The following UGGT2 variants were observed in gnomAD, a reference collection of about 807,000 sequenced individuals.
UGGT2 encodes the protein UDP-glucose:glycoprotein glucosyltransferase 2.
A neutral mutation model predicts 192.1 loss-of-function variants in UGGT2; 180 were observed. That is an observed-to-expected ratio of 0.94 (90% confidence interval 0.83 to 1.06). The LOEUF is 1.06. Among genes scored for constraint, UGGT2 ranks in the 50% least tolerant of loss-of-function variants. The pLI, the probability that UGGT2 is intolerant of heterozygous loss-of-function variation, is 0.00. For synonymous variants in UGGT2, 580 were observed against 591.0 expected, an observed-to-expected ratio of 0.98 and a Z score of 0.27; for missense variants, 1,849 against 1,795.7, an observed-to-expected ratio of 1.03 and a Z score of -0.54.
rs910023686 is a variant in UGGT2, at chr13:95,972,647, G to C, written c.1117C>G (p.Gln373Glu). Reference protein sequence around the residue: ...QKDLQVRFKIQPGDARLFING... With the variant: ...QKDLQVRFKIEPGDARLFING... ...ATAAATAGACGAGCATCGCCTGGCT[G>C]AATTTTAAATCTAACTTGAAGATCC... Residue 373 changes from glutamine (Q) to glutamate (E), a missense_variant, in exon 11 of 39, where the codon CAG becomes GAG. Coordinates refer to ENST00000376747, the MANE Select transcript of UGGT2 (RefSeq NM_020121.4). The C allele has an allele frequency of 1.9e-6, 3 of 1,613,708 alleles. No individual in the cohort carries two copies. The highest frequency in any genetic ancestry group is 2.5e-6 in the Non-Finnish European group (3 of 1,179,792).
At chr13:95,972,396 C>T (rs777846813) in intron 11 of UGGT2, among the ~76,000 whole-genome samples, 184 bp downstream of exon 11, 2 of 152,172 alleles carry the variant, frequency 1.3e-5, no homozygotes, top group Non-Finnish European at 2.9e-5. Context: ...GACTGTTTCT[C>T]CCAGTTCTGA....
chr13:95,807,965 A>C (rs574834781), intron 38 of UGGT2, among the ~76,000 whole-genome samples: 1 of 152,184 alleles, frequency 6.6e-6, no homozygotes, highest in Admixed American at 6.5e-5. Context: ...TTTTCCAAAG[A>C]GTACTTTGTG....
Position 95,947,046 on chromosome 13 carries a change from A to G in UGGT2, c.1668T>C (p.Ser556=). Residue 556 remains serine (S), a synonymous_variant, in exon 15 of 39, where the codon TCT becomes TCC. Transcript: ENST00000376747. ...TAGTGCATAAACTCACGTGTACTAT[A>G]GAAATAAATGCTTCTGATATATCAA... ...EEFDISEAFI[S]IVHMYQKVKK... 1.3e-6 allele frequency: 2 copies of G among 1,597,538 alleles called. No homozygotes were observed. The highest frequency in any genetic ancestry group is 1.7e-6 in the Non-Finnish European group (2 of 1,175,248).
intron 36 of UGGT2, among the ~76,000 whole-genome samples, chr13:95,841,550 G>C (rs1887865583): frequency 6.6e-6 from 1 of 152,202 alleles, no homozygotes; most frequent in African/African-American, 2.4e-5. Flanking sequence ...GTAGCAGCCA[G>C]ATTGCCCTCA....
At chr13:95,926,859 T>C (rs1010486435) in intron 19 of UGGT2, among the ~76,000 whole-genome samples, 169 bp downstream of exon 19, 3 of 152,198 alleles carry the variant, frequency 2.0e-5, no homozygotes, top group African/African-American at 4.8e-5. Flanking sequence ...ATAGAAGGCA[T>C]TGTTTTCTCA....
At chr13:95,868,143 T>C (rs1351737795) in intron 29 of UGGT2, among the ~76,000 whole-genome samples, 2 of 152,230 alleles carry the variant, frequency 1.3e-5, no homozygotes, top group South Asian at 2.1e-4. Context: ...TGAGTTGTTA[T>C]ATATAATACA....
intron 7 of UGGT2, chr13:95,991,559 A>G (rs561164374): frequency 1.8e-5 from 6 of 326,696 alleles, no homozygotes; most frequent in Middle Eastern, 5.2e-4. Context: ...TACAGTGTCA[A>G]TATCTTACAG....
intron 19 of UGGT2, among the ~76,000 whole-genome samples, chr13:95,926,604 T>G (rs2049022838): frequency 6.6e-6 from 1 of 152,172 alleles, no homozygotes; most frequent in Admixed American, 6.5e-5. Context: ...GGCTAAATCC[T>G]TTTTCCCAAG....
chr13:95,913,408 C>T (rs954288057), intron 20 of UGGT2, among the ~76,000 whole-genome samples: 35 of 152,020 alleles, frequency 2.3e-4, no homozygotes, highest in African/African-American at 8.2e-4. Context: ...AACAAACAAC[C>T]CCATCAAAAA....
At chr13:95,963,732 C>T (rs956255920) in intron 12 of UGGT2, among the ~76,000 whole-genome samples, 1 of 151,974 alleles carries the variant, frequency 6.6e-6, no homozygotes, top group Non-Finnish European at 1.5e-5. Flanking sequence ...TGTTTCTATA[C>T]ACAAATAATG....
intron 7 of UGGT2, among the ~76,000 whole-genome samples, chr13:95,995,148 A>AT (rs532288760): frequency 1.1e-3 from 169 of 152,190 alleles, no homozygotes; most frequent in Non-Finnish European, 2.0e-3. Context: ...AGGTTTCAGA[A>AT]TTTTTTATAA....
rs117950751 is a variant in UGGT2 at position 95,881,260 on chromosome 13, G to C, written c.3228+3231C>G. Among the ~76,000 whole-genome samples, 626 of 152,268 alleles carry C rather than the reference G, an allele frequency of 4.1e-3. 6 individuals are homozygous for C. Among genetic ancestry groups the C allele is most frequent in the Middle Eastern group, 0.017 (5 of 294 alleles). On this transcript the variant is annotated intron_variant, in intron 27 of 38. Coordinates refer to ENST00000376747, the MANE Select transcript of UGGT2 (RefSeq NM_020121.4). ...GTTTCAGGTATCCACTGAGTGGGTG[G>C]GGGTATCTTAGAACAAATCCCTTGT...
chr13:96,008,322 A>T (rs1479148550), intron 5 of UGGT2, among the ~76,000 whole-genome samples: 1 of 152,186 alleles, frequency 6.6e-6, no homozygotes. Context: ...TACATAAGGA[A>T]CTTAAACATA....
intron 8 of UGGT2, 30 bp downstream of exon 8, chr13:95,989,943 G>A: frequency 1.4e-6 from 2 of 1,445,584 alleles, no homozygotes; most frequent in Non-Finnish European, 1.9e-6. Context: ...TTACCAAAAT[G>A]CTGTGTTAAA....
intron 17 of UGGT2, among the ~76,000 whole-genome samples, chr13:95,931,407 A>G (rs2049260458): frequency 6.6e-6 from 1 of 151,938 alleles, no homozygotes; most frequent in Admixed American, 6.5e-5. Flanking sequence ...CCGCAGGGGG[A>G]GCTGCCCGCC....
chr13:95,962,303 G>A (rs932025086), intron 12 of UGGT2, among the ~76,000 whole-genome samples: 2 of 151,888 alleles, frequency 1.3e-5, no homozygotes, highest in African/African-American at 4.8e-5. Context: ...TTTTTGAAAA[G>A]ATAAACCACT....
intron 1 of UGGT2, among the ~76,000 whole-genome samples, chr13:96,036,672 A>G (rs981648779): frequency 2.0e-5 from 3 of 152,192 alleles, no homozygotes; most frequent in African/African-American, 4.8e-5. Context: ...CTGGTAACTC[A>G]TTATTAATCA....
At chr13:95,850,604 A>C (rs1209276468) in intron 36 of UGGT2, among the ~76,000 whole-genome samples, 1 of 152,248 alleles carries the variant, frequency 6.6e-6, no homozygotes, top group African/African-American at 2.4e-5. Flanking sequence ...CGGGCCCAAC[A>C]GCATGAGCTC....
intron 6 of UGGT2, 43 bp from the exon 7 acceptor site, chr13:95,996,178 C>T (rs772855636): frequency 1.3e-6 from 2 of 1,539,858 alleles, no homozygotes; most frequent in South Asian, 2.3e-5. Context: ...AAAATATTTT[C>T]AGACTGGGAA....
Sources: gnomAD v4.1 joint callset for allele counts (sites outside exome capture counted in the v4.1 genomes callset) on GRCh38, gnomAD v4.1.1 for gene constraint, MANE v1.5 for transcripts, NCBI Gene and HGNC (gene_info 2026-07-23, HGNC 2026-07-21) for gene names.